The following DPP10 variants were observed in gnomAD, a reference collection of about 807,000 sequenced individuals.
DPP10 encodes dipeptidyl peptidase like 10.
In DPP10, 33 loss-of-function variants were observed where a neutral mutation model predicts 120.9. The ratio of observed to expected loss-of-function variants is 0.27; its 90% CI spans 0.21 to 0.37. The LOEUF is 0.37. DPP10 is among the 10% of genes least tolerant of loss of function. DPP10 has a pLI of 1.00. For missense variants in DPP10, 816 were observed against 942.8 expected (o/e 0.87, Z 1.76); for synonymous variants, 337 against 326.1 (o/e 1.03, Z -0.36).
At position 115,777,236 on chromosome 2, in the gene DPP10, A is replaced by G. The variant is rs1682213159; in HGVS notation, c.1250A>G (p.His417Arg). Residue 417 changes from histidine to arginine, a missense_variant, in exon 14 of 26, where the codon CAT becomes CGT. His to Arg is a conservative substitution (Grantham distance 29). This residue lies in a region of DPP10 where 592 missense variants were observed against 649.0 expected (regional missense o/e 0.91). Coordinates refer to ENST00000410059, the MANE Select transcript of DPP10 (RefSeq NM_020868.6). ...AAAAGTGAGCAAATTACCGTGCGGC[A>G]TCTGACATCAGGAAACTGGGAAGTG... ...QSKSEQITVRHLTSGNWEVIK... is the reference protein window; with the variant it reads ...QSKSEQITVRRLTSGNWEVIK... The G allele has an allele frequency of 6.2e-7, 1 of 1,613,032 alleles. No individual in the cohort carries two copies. The highest frequency in any genetic ancestry group is 1.7e-5 in the Admixed American group (1 of 59,900).
intron 3 of DPP10, among the ~76,000 whole-genome samples, chr2:115,492,175 A>T (rs2076160642): frequency 6.6e-6 from 1 of 152,190 alleles, no homozygotes; most frequent in Admixed American, 6.5e-5. Context: ...GGGCTGTAGT[A>T]CATACTCTAA....
chr2:114,740,845 T>A (rs1445536353), intron 1 of DPP10, among the ~76,000 whole-genome samples: 4 of 152,200 alleles, frequency 2.6e-5, no homozygotes. Context: ...TCCATTTTCT[T>A]CATGGGATAG....
intron 5 of DPP10, among the ~76,000 whole-genome samples, chr2:115,545,522 G>T (rs2079445801): frequency 1.3e-5 from 2 of 152,136 alleles, no homozygotes; most frequent in Non-Finnish European, 2.9e-5. Context: ...TAAGTGGGAA[G>T]ATGCCTTCAG....
intron 11 of DPP10, among the ~76,000 whole-genome samples, chr2:115,760,938 A>G (rs186198473): frequency 1.1e-3 from 172 of 152,048 alleles, no homozygotes; most frequent in African/African-American, 4.1e-3. Flanking sequence ...CTCTACTAAA[A>G]CTACAAAAAT....
chr2:115,249,089 T>G (rs900671036), intron 1 of DPP10, among the ~76,000 whole-genome samples: 1 of 152,160 alleles, frequency 6.6e-6, no homozygotes, highest in Admixed American at 6.6e-5. Context: ...ACCAAGTTGT[T>G]GTTTCTAAAC....
intron 8 of DPP10, among the ~76,000 whole-genome samples, chr2:115,737,562 G>A (rs189729205): frequency 1.3e-5 from 2 of 152,152 alleles, no homozygotes; most frequent in East Asian, 3.9e-4. Flanking sequence ...ATTTGCCATG[G>A]GCACTGACAT....
At chr2:114,697,010 T>C (rs1291521320) in intron 1 of DPP10, among the ~76,000 whole-genome samples, 2 of 152,216 alleles carry the variant, frequency 1.3e-5, no homozygotes, top group African/African-American at 4.8e-5. Flanking sequence ...GTCTGTCATA[T>C]TAATTCTCTC....
intron 1 of DPP10, among the ~76,000 whole-genome samples, chr2:115,135,549 A>C (rs1418423404): frequency 6.6e-6 from 1 of 152,164 alleles, no homozygotes; most frequent in Non-Finnish European, 1.5e-5. Context: ...CCATCTGTTA[A>C]AACACTGTTC....
chr2:115,765,799 G>A (rs1270860697), intron 12 of DPP10, among the ~76,000 whole-genome samples: 1 of 152,106 alleles, frequency 6.6e-6, no homozygotes, highest in Non-Finnish European at 1.5e-5. Flanking sequence ...ACTCAGTCAA[G>A]TATTTTGTCA....
intron 19 of DPP10, among the ~76,000 whole-genome samples, chr2:115,796,550 G>A (rs755243362): frequency 6.6e-6 from 1 of 152,098 alleles, no homozygotes; most frequent in Non-Finnish European, 1.5e-5. Context: ...ATTGATTTCT[G>A]TATGGGTCCA....
At chr2:115,494,072 C>T (rs1253354424) in intron 3 of DPP10, among the ~76,000 whole-genome samples, 1 of 152,058 alleles carries the variant, frequency 6.6e-6, no homozygotes, top group Admixed American at 6.6e-5. Context: ...CCTCAGCCTC[C>T]TGAGTAGCTG....
intron 1 of DPP10, among the ~76,000 whole-genome samples, chr2:114,516,481 A>C (rs1684604844): frequency 6.6e-6 from 1 of 152,146 alleles, no homozygotes; most frequent in African/African-American, 2.4e-5. Context: ...AAAGATGATG[A>C]TTTTGTTCTC....
At chr2:115,324,363 T>TG (rs1435844936) in intron 2 of DPP10, among the ~76,000 whole-genome samples, 2 of 152,186 alleles carry the variant, frequency 1.3e-5, no homozygotes. Context: ...ATAGCCACCT[T>TG]CATCAACGAT....
chr2:114,522,938 C>A (rs1448414993), intron 1 of DPP10, among the ~76,000 whole-genome samples: 2 of 152,190 alleles, frequency 1.3e-5, no homozygotes, highest in African/African-American at 4.8e-5. Flanking sequence ...CACCATGATT[C>A]AATTACCTCC....
chr2:115,834,265 A>G (rs1689219818), intron 21 of DPP10, among the ~76,000 whole-genome samples: 2 of 152,180 alleles, frequency 1.3e-5, no homozygotes, highest in Admixed American at 1.3e-4. Flanking sequence ...TTTATTTCTT[A>G]CTTCAAGAGT....
Position 115,605,218 on chromosome 2 carries a change from CA to C in DPP10, c.441+79248del, listed in dbSNP as rs566114640. Among the ~76,000 whole-genome samples, 5 of 152,086 alleles carry C rather than the reference CA, an allele frequency of 3.3e-5. No homozygotes were observed. In the East Asian group the frequency reaches 9.7e-4, roughly 29 times the overall value. On this transcript the variant is annotated intron_variant, in intron 5 of 25. Coordinates refer to ENST00000410059, the MANE Select transcript of DPP10 (RefSeq NM_020868.6). ...GATAGAATCAATTTTTGGGATGTCA[CA>C]AGGGTTATATAATTTAATGCTGATA...
At chr2:115,248,018 G>A (rs1337106106) in intron 1 of DPP10, among the ~76,000 whole-genome samples, 1 of 151,974 alleles carries the variant, frequency 6.6e-6, no homozygotes, top group Admixed American at 6.6e-5. Context: ...CCAGTTCAGG[G>A]GATTGCAGTG....
chr2:114,685,670 A>G (rs1053983270), intron 1 of DPP10, among the ~76,000 whole-genome samples: 2 of 151,824 alleles, frequency 1.3e-5, no homozygotes, highest in Non-Finnish European at 2.9e-5. Context: ...CACATGCTCT[A>G]ATTAAAATAT....
At chr2:115,118,231 C>A (rs2049627499) in intron 1 of DPP10, among the ~76,000 whole-genome samples, 1 of 152,090 alleles carries the variant, frequency 6.6e-6, no homozygotes, top group African/African-American at 2.4e-5. Context: ...TGAGTCTTTC[C>A]ATTTCTTTCC....
Sources: allele counts gnomAD v4.1 joint callset (sites outside exome capture counted in the v4.1 genomes callset), GRCh38; gene constraint gnomAD v4.1.1; regional missense constraint gnomAD v4.1.1; transcripts MANE v1.5; gene names NCBI Gene and HGNC (gene_info 2026-07-23, HGNC 2026-07-21).